KLHL29: variants seen among roughly 807,000 people sequenced by gnomAD.
KLHL29 encodes kelch like family member 29.
KLHL29 carries 21 observed loss-of-function variants against 80.4 expected under a neutral mutation model. The observed-to-expected ratio is 0.26, with a 90% confidence interval of 0.19 to 0.38. The LOEUF (loss-of-function observed/expected upper bound fraction) is 0.38. KLHL29 is among the 10% of genes least tolerant of loss of function. The pLI is 1.00. For missense variants in KLHL29, 867 were observed against 1,223.9 expected (o/e 0.71, Z 4.35); for synonymous variants, 511 against 526.8 (o/e 0.97, Z 0.41).
intron 3 of KLHL29, among the ~76,000 whole-genome samples, chr2:23,628,372 G>A (rs954651180): frequency 6.6e-6 from 1 of 152,178 alleles, no homozygotes; most frequent in Admixed American, 6.5e-5. Context: ...GGAGGCGCTG[G>A]GAAGGCCATA....
intron 3 of KLHL29, among the ~76,000 whole-genome samples, chr2:23,635,758 C>T (rs1572455139): frequency 6.6e-6 from 1 of 152,338 alleles, no homozygotes; most frequent in South Asian, 2.1e-4. Context: ...TCCTGGTCTG[C>T]CTCTCTCTGC....
intron 5 of KLHL29, among the ~76,000 whole-genome samples, chr2:23,645,725 T>C (rs1270139438): frequency 2.6e-5 from 4 of 152,348 alleles, no homozygotes; most frequent in East Asian, 1.9e-4. Context: ...AAATTTCACA[T>C]TTTGTTTCTT....
chr2:23,702,936 C>G (rs1010443826), intron 11 of KLHL29, among the ~76,000 whole-genome samples: 1 of 151,134 alleles, frequency 6.6e-6, no homozygotes, highest in Non-Finnish European at 1.5e-5. Context: ...GACAGGAATT[C>G]TGCACAGACG....
At chr2:23,594,474 C>T (rs920112737) in intron 3 of KLHL29, among the ~76,000 whole-genome samples, 3 of 152,136 alleles carry the variant, frequency 2.0e-5, no homozygotes, top group African/African-American at 7.2e-5. Context: ...TGCCCTTCTT[C>T]GCTGACTTCT....
intron 3 of KLHL29, among the ~76,000 whole-genome samples, chr2:23,635,178 G>T (rs1669576043): frequency 6.6e-6 from 1 of 152,220 alleles, no homozygotes; most frequent in Admixed American, 6.5e-5. Context: ...GGACAAATTA[G>T]CAAAAGCCTC....
rs558424133 is a variant in KLHL29, at chr2:23,684,064, C to T, written c.941-335C>T. Among the ~76,000 whole-genome samples the T allele has an allele frequency of 5.9e-5, 9 of 152,270 alleles. No homozygotes were observed. Among genetic ancestry groups the T allele is most frequent in the African/African-American group, 9.6e-5 (4 of 41,540 alleles). On this transcript the variant is annotated intron_variant, in intron 5 of 13. Coordinates refer to ENST00000486442, the MANE Select transcript of KLHL29 (RefSeq NM_052920.2). The surrounding 1 kb of genome is among the most constrained non-coding windows in gnomAD (Gnocchi z 4.4). ...TAGTTATTTGACAGTTTTTAGTTGT[C>T]TGTGATAATGTATTCTCTATGTTTC... is the stretch of plus-strand genomic sequence containing the variant.
intron 1 of KLHL29, among the ~76,000 whole-genome samples, chr2:23,459,352 A>G (rs907102903): frequency 1.3e-5 from 2 of 152,156 alleles, no homozygotes; most frequent in African/African-American, 4.8e-5. Context: ...GGGACTGGAG[A>G]GAATATGTTT....
intron 3 of KLHL29, among the ~76,000 whole-genome samples, chr2:23,591,633 C>T (rs1179172036): frequency 1.3e-5 from 2 of 152,128 alleles, no homozygotes; most frequent in Admixed American, 6.5e-5. Flanking sequence ...TGCGTCTGCT[C>T]GGCCACCGTG....
chr2:23,433,058 C>A (rs1007433091), intron 1 of KLHL29, among the ~76,000 whole-genome samples: 4 of 152,144 alleles, frequency 2.6e-5, no homozygotes, highest in Non-Finnish European at 4.4e-5. Context: ...TGTGTGCCCT[C>A]CGTTGTCTTG....
chr2:23,597,403 ATATATTTTTTTTTTTTTTTTTTTT>A (rs1668452106), intron 3 of KLHL29, among the ~76,000 whole-genome samples: 4 of 39,770 alleles, frequency 1.0e-4, no homozygotes, highest in South Asian at 2.6e-3. Context: ...ATATATATAT[ATATATTTTTTTTTTTTTTTTTTTT>A]TTTTTTTTTT....
intron 3 of KLHL29, among the ~76,000 whole-genome samples, chr2:23,576,885 A>G (rs1397495671): frequency 6.6e-6 from 1 of 152,198 alleles, no homozygotes; most frequent in East Asian, 1.9e-4. Context: ...CCTCAGTGGC[A>G]AAGACTTGAG....
At chr2:23,671,251 G>C (rs1020939926) in intron 5 of KLHL29, among the ~76,000 whole-genome samples, 2 of 151,894 alleles carry the variant, frequency 1.3e-5, no homozygotes, top group Non-Finnish European at 2.9e-5. Context: ...GGAAGTAATG[G>C]CTTTTACTGG....
At chr2:23,512,656 A>G (rs1337694284) in intron 2 of KLHL29, among the ~76,000 whole-genome samples, 1 of 152,242 alleles carries the variant, frequency 6.6e-6, no homozygotes, top group Non-Finnish European at 1.5e-5. Context: ...AGGACTGGGT[A>G]GTCACTAACA....
At chr2:23,549,395 G>T (rs375530607) in intron 2 of KLHL29, among the ~76,000 whole-genome samples, 3 of 152,206 alleles carry the variant, frequency 2.0e-5, no homozygotes, top group Admixed American at 2.0e-4. Context: ...AGGCTGCCTC[G>T]TTTGCATGCT....
At chr2:23,627,700 A>G (rs918616857) in intron 3 of KLHL29, among the ~76,000 whole-genome samples, 1 of 143,960 alleles carries the variant, frequency 6.9e-6, no homozygotes, top group Admixed American at 7.2e-5. Flanking sequence ...GTGTCTAATA[A>G]GGTCGCTGAG....
intron 2 of KLHL29, among the ~76,000 whole-genome samples, chr2:23,561,625 A>G (rs1168907067): frequency 6.6e-6 from 1 of 152,164 alleles, no homozygotes; most frequent in East Asian, 1.9e-4. Flanking sequence ...ATTCTCAGTG[A>G]GGTCCCTCGA....
intron 3 of KLHL29, among the ~76,000 whole-genome samples, chr2:23,599,233 C>T (rs1406772536): frequency 6.6e-6 from 1 of 152,170 alleles, no homozygotes; most frequent in Non-Finnish European, 1.5e-5. Flanking sequence ...TGCCCCCAGC[C>T]TTGCCTAAGT....
At chr2:23,582,136 G>C (rs538927891) in intron 3 of KLHL29, among the ~76,000 whole-genome samples, 1 of 152,274 alleles carries the variant, frequency 6.6e-6, no homozygotes, top group Non-Finnish European at 1.5e-5. Flanking sequence ...AGCGCCAATA[G>C]TTTTCTCATC....
chr2:23,439,353 C>T, intron 1 of KLHL29, among the ~76,000 whole-genome samples: 1 of 152,046 alleles, frequency 6.6e-6, no homozygotes, highest in Non-Finnish European at 1.5e-5. Context: ...CTTCTGCTAG[C>T]TTTTGAATGC....
Sources: allele counts gnomAD v4.1 joint callset (sites outside exome capture counted in the v4.1 genomes callset), GRCh38; gene constraint gnomAD v4.1.1; non-coding constraint Gnocchi (gnomAD v3.1); transcripts MANE v1.5; gene names NCBI Gene and HGNC (gene_info 2026-07-23, HGNC 2026-07-21).